The following MATN2 variants were observed in gnomAD, a reference collection of about 807,000 sequenced individuals.
MATN2 encodes the protein matrilin-2.
Under a neutral mutation model 103.2 loss-of-function variants are expected in MATN2, and 69 were observed. The ratio of observed to expected loss-of-function variants is 0.67; its 90% CI spans 0.55 to 0.82. The LOEUF (loss-of-function observed/expected upper bound fraction) is 0.82. Ranked by LOEUF, MATN2 falls within the 40% of genes least tolerant of loss-of-function variation. The pLI, the probability that MATN2 is intolerant of heterozygous loss-of-function variation, is 0.00. For missense variants in MATN2, 1,023 were observed against 1,211.5 expected (o/e 0.84, Z 2.31); for synonymous variants, 429 against 450.2 (o/e 0.95, Z 0.60).
intron 3 of MATN2, among the ~76,000 whole-genome samples, chr8:97,935,184 A>C (rs969247484): frequency 2.6e-5 from 4 of 152,112 alleles, no homozygotes; most frequent in Non-Finnish European, 5.9e-5. Context: ...TCAGCCTCCC[A>C]AGTAGCTGGG....
At chr8:97,961,593 G>A in intron 5 of MATN2, 63 bp downstream of exon 5, 2 of 1,503,624 alleles carry the variant, frequency 1.3e-6, no homozygotes, top group Non-Finnish European at 1.8e-6. Flanking sequence ...AGGAGGAGGG[G>A]AGACTCACGT....
At chr8:97,988,189 T>TATATATACACACACAC (rs71570279) in intron 6 of MATN2, among the ~76,000 whole-genome samples, 3 of 54,962 alleles carry the variant, frequency 5.5e-5, no homozygotes, top group African/African-American at 1.6e-4. Flanking sequence ...TATATATATA[T>TATATATACACACACAC]ACACACACAC....
chr8:97,975,274 C>A (rs1265328185), intron 5 of MATN2, among the ~76,000 whole-genome samples: 1 of 152,160 alleles, frequency 6.6e-6, no homozygotes, highest in Non-Finnish European at 1.5e-5. Flanking sequence ...AAAAGAGCAT[C>A]TTAGTACAAC....
At chr8:98,000,067 G>A (rs887117668) in intron 7 of MATN2, among the ~76,000 whole-genome samples, 1 of 151,326 alleles carries the variant, frequency 6.6e-6, no homozygotes, top group African/African-American at 2.4e-5. Flanking sequence ...TGTTAGTAGA[G>A]GTGGGCTTTC....
At position 97,976,740 on chromosome 8, in the gene MATN2, T is replaced by G. The variant is rs550538622; in HGVS notation, c.959-2146T>G. Among the ~76,000 whole-genome samples, 957 of 116,350 alleles carry G rather than the reference T, an allele frequency of 8.2e-3. 13 individuals carry two copies. Among genetic ancestry groups the G allele is most frequent in the African/African-American group, 0.024 (911 of 37,898 alleles). The allele number at this position is 116,350 out of a possible 152,430, so 76.3% of individuals were successfully genotyped here. ...CCAAGTAGCTGGGATTTCCAAAAAC[T>G]TTTTTTTTTTTGAGACAGGGTCTTG... On this transcript the variant is annotated intron_variant, in intron 5 of 18. Coordinates refer to ENST00000254898, the MANE Select transcript of MATN2 (RefSeq NM_002380.5).
chr8:97,938,019 C>A (rs537678009), intron 3 of MATN2, among the ~76,000 whole-genome samples: 4 of 152,288 alleles, frequency 2.6e-5, no homozygotes, highest in African/African-American at 7.2e-5. Flanking sequence ...CTGCCTGCTG[C>A]CCGCCAGATA....
chr8:97,966,565 CAAAA>C (rs5893441), intron 5 of MATN2, among the ~76,000 whole-genome samples: 1 of 141,900 alleles, frequency 7.0e-6, no homozygotes. Context: ...GACCTTGTCT[CAAAA>C]AAAAAAAAAA....
At chr8:97,911,325 A>G (rs1490950989) in intron 2 of MATN2, among the ~76,000 whole-genome samples, 2 of 152,162 alleles carry the variant, frequency 1.3e-5, no homozygotes, top group Admixed American at 6.6e-5. Context: ...GCTGAAAAAG[A>G]ACTAAGACAC....
chr8:98,003,954 G>A (rs10955144), intron 8 of MATN2, 171 bp downstream of exon 8: 411,905 of 726,062 alleles, frequency 0.57, 122,152 homozygotes, highest in Non-Finnish European at 0.63. Flanking sequence ...GACTATTAAT[G>A]CTATCGGCCT....
chr8:97,874,932 G>T (rs964453261), intron 1 of MATN2, among the ~76,000 whole-genome samples: 1 of 151,742 alleles, frequency 6.6e-6, no homozygotes, highest in Admixed American at 6.6e-5. Flanking sequence ...TAGTCAGGCT[G>T]GTCTCGAACT....
At chr8:98,001,102 A>C (rs1812772400) in intron 7 of MATN2, among the ~76,000 whole-genome samples, 1 of 152,202 alleles carries the variant, frequency 6.6e-6, no homozygotes, top group Admixed American at 6.5e-5. Context: ...AATAAAATCT[A>C]GTCATTACTT....
At chr8:97,872,101 T>C (rs1408319628) in intron 1 of MATN2, among the ~76,000 whole-genome samples, 2 of 152,206 alleles carry the variant, frequency 1.3e-5, no homozygotes. Context: ...TAGCTATACT[T>C]ACTATTATTG....
In MATN2 at chr8:98,019,767, T is replaced by G. The variant is rs536166019; in HGVS notation, c.1820-1438T>G. ...GTGGTTGACAAAGTCTACTTGCTTT[T>G]GTGACACTTTGCCCCAGTGGGCAAA... On this transcript the variant is annotated intron_variant, in intron 12 of 18. Transcript: ENST00000254898. Among the ~76,000 whole-genome samples, 9 of 152,212 alleles carry G rather than the reference T, an allele frequency of 5.9e-5. No homozygotes were observed. In the South Asian group the frequency reaches 1.7e-3, roughly 28 times the overall value.
rs567522621 is a variant in MATN2, at chr8:98,014,300, A to T, written c.1574-2240A>T. Among the ~76,000 whole-genome samples the T allele has an allele frequency of 7.9e-5, 12 of 152,266 alleles. No homozygotes were observed. In the East Asian group the frequency reaches 1.9e-3, roughly 25 times the overall value. On this transcript the variant is annotated intron_variant, in intron 10 of 18. Coordinates refer to ENST00000254898, the MANE Select transcript of MATN2 (RefSeq NM_002380.5). The stretch of plus-strand genomic sequence containing the variant: ...TATTATAAATTCACGGTAGGGGGAA[A>T]AAAAAACACCTCACCTCCATGGCCA...
At chr8:97,870,080 A>T (rs888874858) in intron 1 of MATN2, among the ~76,000 whole-genome samples, 1 of 152,216 alleles carries the variant, frequency 6.6e-6, no homozygotes, top group Non-Finnish European at 1.5e-5. Context: ...CCCGTGGTCG[A>T]GAGCAGAGAC....
intron 5 of MATN2, among the ~76,000 whole-genome samples, chr8:97,966,012 C>T (rs1354555735): frequency 1.8e-4 from 28 of 151,440 alleles, no homozygotes; most frequent in Admixed American, 1.8e-3. Flanking sequence ...ATTAGCCAAG[C>T]ATGTTGGTGC....
chr8:97,993,067 T>G (rs1419881894), intron 6 of MATN2, among the ~76,000 whole-genome samples: 3 of 152,140 alleles, frequency 2.0e-5, no homozygotes, highest in Non-Finnish European at 2.9e-5. Flanking sequence ...CTCCTGAAGC[T>G]GGGTGATATG....
chr8:97,923,755 C>T (rs931315088), intron 2 of MATN2, among the ~76,000 whole-genome samples: 2 of 152,142 alleles, frequency 1.3e-5, no homozygotes, highest in Admixed American at 6.5e-5. Context: ...CGGGGTTTCA[C>T]CATATTGGCC....
chr8:97,889,230 G>A (rs991430631), intron 2 of MATN2, among the ~76,000 whole-genome samples: 2 of 151,924 alleles, frequency 1.3e-5, no homozygotes, highest in Admixed American at 6.6e-5. Flanking sequence ...AGGGACCACA[G>A]GGACCTAAAG....
Sources: gnomAD v4.1 joint callset for allele counts (sites outside exome capture counted in the v4.1 genomes callset) on GRCh38, gnomAD v4.1.1 for gene constraint, MANE v1.5 for transcripts, NCBI Gene and HGNC (gene_info 2026-07-23, HGNC 2026-07-21) for gene names.